KARS1: variants seen among roughly 807,000 people sequenced by gnomAD.
The protein encoded by KARS1 is lysyl-tRNA synthetase 1, also known as lysine--tRNA ligase.
Under a neutral mutation model 63.9 loss-of-function variants are expected in KARS1, and 50 were observed. That is an observed-to-expected ratio of 0.78 (90% CI 0.62 to 0.99). KARS1 has a LOEUF of 0.99. KARS1 is among the 50% of genes least tolerant of loss of function. KARS1 has a pLI of 0.00. For synonymous variants in KARS1, 320 were observed against 264.6 expected (o/e 1.21, Z -2.03); for missense variants, 816 against 754.5 (o/e 1.08, Z -0.95).
intron 1 of KARS1, among the ~76,000 whole-genome samples, chr16:75,646,280 C>T (rs942510291): frequency 1.3e-5 from 2 of 152,196 alleles, no homozygotes. Flanking sequence ...CTCAGGCTCA[C>T]GCCTGTCATC....
intron 12 of KARS1, chr16:75,629,064 C>G (rs760430798): frequency 6.4e-5 from 30 of 467,046 alleles, no homozygotes; most frequent in Non-Finnish European, 1.1e-4. Context: ...ACACCTGCTG[C>G]AGGCAGCCTG....
intron 2 of KARS1, 40 bp from the exon 3 acceptor site, chr16:75,640,389 A>C: frequency 6.2e-7 from 1 of 1,601,762 alleles, no homozygotes; most frequent in Non-Finnish European, 8.5e-7. Context: ...CAGAAGTTGA[A>C]CCTGGTCAGA....
chr16:75,632,535 G>A (rs2082124956), intron 7 of KARS1, among the ~76,000 whole-genome samples: 1 of 152,212 alleles, frequency 6.6e-6, no homozygotes, highest in Non-Finnish European at 1.5e-5. Context: ...GTATTGCATA[G>A]AATTCATTCT....
At position 75,631,699 on chromosome 16, in the gene KARS1, C is replaced by G; in HGVS notation, c.1072G>C (p.Val358Leu). The change falls in exon 8 of 14, where the codon GTT (valine) becomes CTT (leucine). Residue 358 changes from valine (V) to leucine (L), a missense_variant. Transcript: ENST00000302445. ...HDLMEITEKM[V>L]SGMVKHITGS... is the part of the protein sequence containing the mutation. ...GAGAGAGAGCAGGAGTCACCTGAAA[C>G]CATCTTCTCCGTGATTTCCATGAGA... is the stretch of plus-strand genomic sequence containing the variant. 1 of 1,614,202 alleles carries G rather than the reference C, an allele frequency of 6.2e-7. No individual in the cohort carries two copies. Among genetic ancestry groups the G allele is most frequent in the Admixed American group, 1.7e-5 (1 of 60,020 alleles).
In KARS1 at chr16:75,629,534, AG is replaced by A; in HGVS notation, c.1431del (p.Ser478LeufsTer5). 1 of 1,614,082 alleles carries A rather than the reference AG, an allele frequency of 6.2e-7. No homozygotes were observed. Among genetic ancestry groups the A allele is most frequent in the Non-Finnish European group, 8.5e-7 (1 of 1,179,940 alleles). On this transcript the variant is annotated frameshift_variant, in exon 12 of 14. Coordinates refer to ENST00000302445, the MANE Select transcript of KARS1 (RefSeq NM_005548.3). LOFTEE classifies it high-confidence loss of function. ...QIMSPLAKWHRSKEGLTERFE... is the reference protein window; with the variant it reads ...QIMSPLAKWHXSKEGLTERFE... ...AAGCGCTCAGTCAGACCCTCTTTAG[AG>A]CGGTGCCTAGGGACAGGAGACCAAA...
chr16:75,642,011 T>A (rs2082230254), intron 1 of KARS1, among the ~76,000 whole-genome samples: 1 of 152,056 alleles, frequency 6.6e-6, no homozygotes, highest in African/African-American at 2.4e-5. Context: ...AAAACCAAGA[T>A]GTACCAAGAC....
At chr16:75,638,543 G>C (rs1015757828) in intron 3 of KARS1, among the ~76,000 whole-genome samples, 1 of 152,080 alleles carries the variant, frequency 6.6e-6, no homozygotes, top group Non-Finnish European at 1.5e-5. Context: ...TGAAGAAAAA[G>C]ACGCAAAACA....
chr16:75,643,844 G>A (rs2082251662), intron 1 of KARS1, among the ~76,000 whole-genome samples: 1 of 152,210 alleles, frequency 6.6e-6, no homozygotes, highest in Non-Finnish European at 1.5e-5. Flanking sequence ...AGATTAGGCT[G>A]TCTAGTTCTT....
Position 75,634,157 on chromosome 16 carries a change from T to C in KARS1, c.915+16A>G, listed in dbSNP as rs2082139211. On this transcript the variant is annotated intron_variant, in intron 7 of 13. Transcript: ENST00000302445. The stretch of plus-strand genomic sequence containing the variant: ...TCTGCTTCTTTAAGGGAAAAGGGTG[T>C]ACTATTACTGACTACCTTATGATAG... 6.2e-7 allele frequency: 1 copy of C among 1,613,146 alleles called. No homozygotes were observed.
intron 1 of KARS1, chr16:75,644,179 T>A: frequency 9.7e-7 from 1 of 1,026,098 alleles, no homozygotes; most frequent in African/African-American, 1.6e-5. Context: ...CCTTGTTTCC[T>A]TAGCAACAAG....
intron 3 of KARS1, among the ~76,000 whole-genome samples, chr16:75,638,966 A>G (rs111806827): frequency 0.47 from 71,260 of 150,890 alleles, 19,226 homozygotes; most frequent in East Asian, 0.87. Flanking sequence ...TCAGGAGTTC[A>G]AGACCAGCCT....
rs1442188504 is a variant in KARS1, at chr16:75,629,441, G to A, written c.1525C>T (p.Arg509Trp). Reference sequence around the variant, plus strand: ...TTGGCCTGTTCTTCAAAAAGCTGCCGCTGCCGCATGGGATCATTCAGCTCA... The same window carrying A: ...TTGGCCTGTTCTTCAAAAAGCTGCCACTGCCGCATGGGATCATTCAGCTCA... ...YTELNDPMRQ[R>W]QLFEEQAKAK... The change falls in exon 12 of 14, where the codon CGG (arginine) becomes TGG (tryptophan). Residue 509 changes from arginine to tryptophan, a missense_variant. Transcript: ENST00000302445. 13 of 1,613,984 alleles carry A rather than the reference G, an allele frequency of 8.1e-6. No homozygotes were observed. The highest frequency in any genetic ancestry group is 1.3e-5 in the African/African-American group (1 of 74,912).
intron 7 of KARS1, 21 bp from the exon 8 acceptor site, chr16:75,631,876 C>G (rs776618427): frequency 1.5e-5 from 25 of 1,612,934 alleles, no homozygotes; most frequent in Non-Finnish European, 2.1e-5. Context: ...CACATGGCCA[C>G]GGTCATGACA....
chr16:75,629,680 A>G, intron 11 of KARS1, 139 bp from the exon 12 acceptor site: 1 of 879,796 alleles, frequency 1.1e-6, no homozygotes, highest in Non-Finnish European at 1.8e-6. Flanking sequence ...GCTCACTGCA[A>G]CCTCTGTCTC....
In KARS1 at chr16:75,647,610, T is replaced by C. The variant is rs2082304422; in HGVS notation, c.30A>G (p.Lys10=). 6.2e-7 allele frequency: 1 copy of C among 1,613,432 alleles called. No homozygotes were observed. Among genetic ancestry groups the C allele is most frequent in the Non-Finnish European group, 8.5e-7 (1 of 1,179,864 alleles). ...TCAGTTTCGGCTCGCTGCCATCCAC[T>C]TTCACCTCGGCCGCCTGCACGGCCG... The part of the protein sequence containing the change: MAAVQAAEV[K]VDGSEPKLSK... The change falls in exon 1 of 14, where the codon AAA becomes AAG. Residue 10 remains lysine (K), a synonymous_variant. Transcript: ENST00000302445.
intron 10 of KARS1, among the ~76,000 whole-genome samples, 155 bp from the exon 11 acceptor site, chr16:75,630,663 T>G (rs1188862746): frequency 6.6e-6 from 1 of 151,886 alleles, no homozygotes; most frequent in African/African-American, 2.4e-5. Context: ...TGAGATGGAG[T>G]CTCGCTCTGT....
At chr16:75,643,847 T>C (rs568287961) in intron 1 of KARS1, among the ~76,000 whole-genome samples, 1 of 152,362 alleles carries the variant, frequency 6.6e-6, no homozygotes, top group South Asian at 2.1e-4. Context: ...TTAGGCTGTC[T>C]AGTTCTTCTA....
chr16:75,632,757 T>C (rs539756001), intron 7 of KARS1, among the ~76,000 whole-genome samples: 9 of 152,302 alleles, frequency 5.9e-5, no homozygotes, highest in African/African-American at 2.2e-4. Flanking sequence ...CTGGGGACTG[T>C]GAGCTTCCTC....
At chr16:75,630,219 A>G (rs772886092) in intron 11 of KARS1, among the ~76,000 whole-genome samples, 6 of 152,146 alleles carry the variant, frequency 3.9e-5, no homozygotes, top group Admixed American at 6.5e-5. Context: ...GCCCTGGAGG[A>G]TAAGATCGTA....
Sources: allele counts gnomAD v4.1 joint callset (sites outside exome capture counted in the v4.1 genomes callset), GRCh38; gene constraint gnomAD v4.1.1; transcripts MANE v1.5; gene names NCBI Gene and HGNC (gene_info 2026-07-23, HGNC 2026-07-21).